Variants in DDX60L observed in about 807,000 individuals in gnomAD.
DDX60L encodes DExD/H-box 60 like.
In DDX60L, 191 loss-of-function variants were observed where a neutral mutation model predicts 211.6. The observed-to-expected ratio is 0.90, with a 90% CI of 0.80 to 1.02. The LOEUF is 1.02. DDX60L is among the 50% of genes least tolerant of loss of function. DDX60L has a pLI of 0.00. For synonymous variants in DDX60L, 706 were observed against 694.1 expected, an observed-to-expected ratio of 1.02 and a Z score of -0.27; for missense variants, 2,007 against 1,984.1, an observed-to-expected ratio of 1.01 and a Z score of -0.22.
At chr4:168,449,629 C>A (rs201190572) in intron 8 of DDX60L, among the ~76,000 whole-genome samples, 660 of 3,392 alleles carry the variant, frequency 0.19, 10 homozygotes, top group Middle Eastern at 0.39. Context: ...AAAAAAAAAA[C>A]ATTAAAACAA....
intron 37 of DDX60L, among the ~76,000 whole-genome samples, chr4:168,360,765 G>C (rs1738966594): frequency 6.6e-6 from 1 of 152,212 alleles, no homozygotes; most frequent in African/African-American, 2.4e-5. Context: ...CTTTGAAGTG[G>C]ATATAAACCA....
intron 19 of DDX60L, 52 bp downstream of exon 19, chr4:168,419,250 A>T: frequency 1.6e-6 from 2 of 1,258,826 alleles, no homozygotes; most frequent in Non-Finnish European, 2.2e-6. Flanking sequence ...ATTACAAATT[A>T]TAGGGTGTAT....
chr4:168,361,709 T>A (rs1210729592), intron 36 of DDX60L, among the ~76,000 whole-genome samples: 1 of 152,174 alleles, frequency 6.6e-6, no homozygotes, highest in Non-Finnish European at 1.5e-5. Context: ...GGTGGCTTCT[T>A]CCTACAGGAA....
chr4:168,470,989 G>A (rs1226630498), intron 4 of DDX60L, among the ~76,000 whole-genome samples: 6 of 152,172 alleles, frequency 3.9e-5, no homozygotes, highest in Admixed American at 1.3e-4. Context: ...TGGGTTACAC[G>A]TGCATGCGTG....
chr4:168,419,690 C>A (rs962745), intron 18 of DDX60L, among the ~76,000 whole-genome samples: 30,930 of 152,100 alleles, frequency 0.2, 3,684 homozygotes, highest in African/African-American at 0.33. Context: ...TACCTATCGA[C>A]GGGTCCACTA....
At chr4:168,393,804 C>A (rs1745276691) in intron 28 of DDX60L, among the ~76,000 whole-genome samples, 1 of 152,028 alleles carries the variant, frequency 6.6e-6, no homozygotes, top group Admixed American at 6.6e-5. Context: ...ATAGTCTGAC[C>A]AAATGTATAG....
At chr4:168,423,910 T>A (rs1432193848) in intron 14 of DDX60L, 136 bp from the exon 15 acceptor site, 3 of 534,268 alleles carry the variant, frequency 5.6e-6, no homozygotes, top group Non-Finnish European at 9.4e-6. Flanking sequence ...AAGGAGATTT[T>A]AGAGCATTAA....
intron 29 of DDX60L, among the ~76,000 whole-genome samples, chr4:168,389,446 T>C (rs1390488555): frequency 6.6e-6 from 1 of 152,180 alleles, no homozygotes; most frequent in Non-Finnish European, 1.5e-5. Context: ...GGGGTCTGTA[T>C]TACCTGCTGT....
chr4:168,403,388 C>A (rs181464519), intron 25 of DDX60L, among the ~76,000 whole-genome samples: 66 of 152,266 alleles, frequency 4.3e-4, no homozygotes, highest in Middle Eastern at 3.4e-3. Context: ...TGCAAATTTT[C>A]GTAGTTAAAA....
At chr4:168,401,089 C>T in intron 25 of DDX60L, 111 bp from the exon 26 acceptor site, 1 of 953,954 alleles carries the variant, frequency 1.0e-6, no homozygotes, top group Non-Finnish European at 1.5e-6. Context: ...TCATCCTAGG[C>T]CAGGGCACTC....
intron 26 of DDX60L, 48 bp downstream of exon 26, chr4:168,400,778 A>G (rs770894159): frequency 2.0e-6 from 3 of 1,485,972 alleles, no homozygotes; most frequent in Non-Finnish European, 2.8e-6. Flanking sequence ...TCTTGTAAAT[A>G]TTTTAGTCTT....
rs1757296111 is a variant in DDX60L, at chr4:168,461,373, C to T, written c.606+326G>A. 2.0e-5 allele frequency among the ~76,000 whole-genome samples: 3 copies of T among 152,154 alleles called. No homozygotes were observed. The South Asian group carries it at 6.2e-4, about 31-fold the overall frequency. On this transcript the variant is annotated intron_variant, in intron 5 of 37. Transcript: ENST00000682922. ...TTTCTTATTATACTACAATTAGGTACTCAACATGAGCAAATTACTTCAATA... is the reference window on the plus strand; with the variant it reads ...TTTCTTATTATACTACAATTAGGTATTCAACATGAGCAAATTACTTCAATA...
In DDX60L at chr4:168,461,693, A is replaced by C. The variant is rs760738374; in HGVS notation, c.606+6T>G. 2.6e-5 allele frequency: 40 copies of C among 1,511,110 alleles called. No individual in the cohort carries two copies. Among genetic ancestry groups the C allele is most frequent in the Non-Finnish European group, 3.4e-5 (38 of 1,126,504 alleles). 93.6% of individuals were successfully genotyped at this position (1,511,110 alleles called of 1,614,324 possible). Reference sequence around the variant, plus strand: ...AGGAAAAAAATGAGTTATTAATGTCAATTACCTCCTTGGAAAAAGTTTGGT... The same window carrying C: ...AGGAAAAAAATGAGTTATTAATGTCCATTACCTCCTTGGAAAAAGTTTGGT... On this transcript the variant is annotated splice_donor_region_variant and intron_variant, in intron 5 of 37. Coordinates refer to ENST00000682922, the MANE Select transcript of DDX60L (RefSeq NM_001012967.3).
At chr4:168,374,383 G>A (rs1043553725) in intron 34 of DDX60L, among the ~76,000 whole-genome samples, 1 of 152,094 alleles carries the variant, frequency 6.6e-6, no homozygotes, top group Non-Finnish European at 1.5e-5. Flanking sequence ...AGGAGACAGG[G>A]GAATATGGGA....
Position 168,459,816 on chromosome 4 carries a change from G to GA in DDX60L, c.607-1809dup, listed in dbSNP as rs1189029281. 5.6e-3 allele frequency among the ~76,000 whole-genome samples: 792 copies of GA among 140,640 alleles called. 16 individuals are homozygous for GA. Among genetic ancestry groups the GA allele is most frequent in the African/African-American group, 0.016 (611 of 38,024 alleles). 92.3% of individuals were successfully genotyped at this position (140,640 alleles called of 152,430 possible). On this transcript the variant is annotated intron_variant, in intron 5 of 37. Transcript: ENST00000682922. ...GGAAGGAAGGAAGGAAGGAAGGAAG[G>GA]AGGGAAGGGAGGGAGGGAAGGAGGG...
chr4:168,403,590 G>C (rs1747214396), intron 25 of DDX60L, among the ~76,000 whole-genome samples: 1 of 152,080 alleles, frequency 6.6e-6, no homozygotes, highest in Non-Finnish European at 1.5e-5. Flanking sequence ...AGTTTTCTTA[G>C]CTATAAATTA....
intron 25 of DDX60L, among the ~76,000 whole-genome samples, 185 bp from the exon 26 acceptor site, chr4:168,401,163 G>C (rs142096287): frequency 2.0e-5 from 3 of 152,112 alleles, no homozygotes; most frequent in Middle Eastern, 3.2e-3. Flanking sequence ...CATACCTCTC[G>C]ATACTCTCCA....
chr4:168,438,385 AC>A (rs1398349056), intron 10 of DDX60L, among the ~76,000 whole-genome samples: 1 of 152,114 alleles, frequency 6.6e-6, no homozygotes, highest in East Asian at 1.9e-4. Flanking sequence ...AGGGCCACTT[AC>A]TCAAGACTTC....
At chr4:168,393,558 C>T (rs1360994431) in intron 28 of DDX60L, among the ~76,000 whole-genome samples, 1 of 152,096 alleles carries the variant, frequency 6.6e-6, no homozygotes, top group African/African-American at 2.4e-5. Flanking sequence ...CTACACAACT[C>T]TTCACACACT....
Sources: gnomAD v4.1 joint callset for allele counts (sites outside exome capture counted in the v4.1 genomes callset) on GRCh38, gnomAD v4.1.1 for gene constraint, MANE v1.5 for transcripts, NCBI Gene and HGNC (gene_info 2026-07-23, HGNC 2026-07-21) for gene names.